ABCA12: variants seen among roughly 807,000 people sequenced by gnomAD.
The protein encoded by ABCA12 is ATP binding cassette subfamily A member 12.
In ABCA12, 156 loss-of-function variants were observed where a neutral mutation model predicts 293.5. The ratio of observed to expected loss-of-function variants is 0.53; its 90% confidence interval spans 0.47 to 0.61. ABCA12 has a LOEUF of 0.61. Ranked by LOEUF, ABCA12 falls within the 20% of genes least tolerant of loss-of-function variation. ABCA12 has a pLI of 0.00. For synonymous variants in ABCA12, 1,063 were observed against 1,108.0 expected, an observed-to-expected ratio of 0.96 and a Z score of 0.81; for missense variants, 2,797 against 3,090.2, an observed-to-expected ratio of 0.91 and a Z score of 2.25.
At chr2:215,096,318 G>T (rs1355674191) in intron 2 of ABCA12, among the ~76,000 whole-genome samples, 2 of 152,132 alleles carry the variant, frequency 1.3e-5, no homozygotes, top group Non-Finnish European at 2.9e-5. Flanking sequence ...ATGACACAAA[G>T]GTGAAGCTGA....
chr2:215,070,024 A>G (rs1386640652), intron 2 of ABCA12, among the ~76,000 whole-genome samples: 6 of 152,248 alleles, frequency 3.9e-5, no homozygotes, highest in African/African-American at 1.4e-4. Context: ...CTCTAACCTA[A>G]TATACATCGT....
rs767815472 is a variant in ABCA12 at position 214,987,785 on chromosome 2, C to CTG, written c.3837_3838insCA (p.Gly1280GlnfsTer25). 1 of 1,613,512 alleles carries CTG rather than the reference C, an allele frequency of 6.2e-7. No homozygotes were observed. ...GGAAAATACCAGGGAGCTGCCATAC[C>CTG]GTATGTCCCTGGAATAAAAATATAT... On this transcript the variant is annotated frameshift_variant, in exon 27 of 53. Coordinates refer to ENST00000272895, the MANE Select transcript of ABCA12 (RefSeq NM_173076.3). LOFTEE classifies it high-confidence loss of function.
At chr2:215,040,231 T>C (rs1701070694) in intron 7 of ABCA12, among the ~76,000 whole-genome samples, 2 of 152,170 alleles carry the variant, frequency 1.3e-5, no homozygotes, top group African/African-American at 4.8e-5. Context: ...AGAGTTGTTC[T>C]GACTAAATAA....
At position 215,134,640 on chromosome 2, in the gene ABCA12, GACAA is replaced by G. The variant is rs1439644856; in HGVS notation, c.69+3496_69+3499del. Among the ~76,000 whole-genome samples the G allele has an allele frequency of 4.0e-3, 474 of 117,636 alleles. 47 individuals are homozygous for G. Among genetic ancestry groups the G allele is most frequent in the African/African-American group, 0.019 (435 of 23,318 alleles). 77.2% of individuals were successfully genotyped at this position (117,636 alleles called of 152,430 possible). A position where few individuals can be genotyped will look rare whatever the true frequency, so the allele number is the denominator to read the frequency against. On this transcript the variant is annotated intron_variant, in intron 1 of 52. Coordinates refer to ENST00000272895, the MANE Select transcript of ABCA12 (RefSeq NM_173076.3). The stretch of plus-strand genomic sequence containing the variant: ...ATAGAGAGAGAGAGAGAGAGAGAGA[GACAA>G]ACAGAGAGAGAGAGAGAGAGAGAGA...
At chr2:215,070,772 C>T (rs1035748617) in intron 2 of ABCA12, among the ~76,000 whole-genome samples, 8 of 151,880 alleles carry the variant, frequency 5.3e-5, no homozygotes, top group African/African-American at 1.9e-4. Context: ...TTTACAAGGT[C>T]ATCACAGTTT....
chr2:215,134,372 A>ATGTATATG (rs1703140183), intron 1 of ABCA12, among the ~76,000 whole-genome samples: 1 of 139,398 alleles, frequency 7.2e-6, no homozygotes, highest in Non-Finnish European at 1.6e-5. Context: ...ATGTGTATAT[A>ATGTATATG]TGTATATATG....
chr2:214,953,757 A>G (rs1201666574), intron 44 of ABCA12, 97 bp downstream of exon 44: 7 of 1,442,612 alleles, frequency 4.9e-6, no homozygotes, highest in Non-Finnish European at 4.7e-6. Flanking sequence ...ACATTTCCAT[A>G]TTACCAATGG....
rs55902726 is a variant in ABCA12, at chr2:214,977,880, CT to C, written c.5128+435del. Among the ~76,000 whole-genome samples, 1,297 of 140,198 alleles carry C rather than the reference CT, an allele frequency of 9.3e-3. 24 individuals carry two copies. Among genetic ancestry groups the C allele is most frequent in the Admixed American group, 0.049 (684 of 14,004 alleles). The allele number at this position is 140,198 out of a possible 152,430, so 92.0% of individuals were successfully genotyped here. ...AAAGAGCGGCAGCTCCTTTTTTTTC[CT>C]TTTTTTTTTTTTTCCTTTTTTTTAT... On this transcript the variant is annotated intron_variant, in intron 33 of 52. Transcript: ENST00000272895.
In ABCA12 at chr2:214,953,901, A is replaced by G. The variant is rs1178726110; in HGVS notation, c.6600T>C (p.Phe2200=). The G allele has an allele frequency of 6.2e-7, 1 of 1,613,914 alleles. No homozygotes were observed. Among genetic ancestry groups the G allele is most frequent in the African/African-American group, 1.3e-5 (1 of 74,920 alleles). Residue 2200 remains phenylalanine (F), a synonymous_variant, in exon 44 of 53, where the codon TTT becomes TTC. Transcript: ENST00000272895. ...FVALVSQGTM[F]FSLRLLINES... ...CGTTGATTAAGAGTCGCAAGGAAAA[A>G]AACATGGTGCCCTGAGAAACCAAAG...
chr2:215,122,573 T>A (rs1285171271), intron 1 of ABCA12, among the ~76,000 whole-genome samples: 1 of 152,194 alleles, frequency 6.6e-6, no homozygotes, highest in African/African-American at 2.4e-5. Flanking sequence ...TCAAGCTTGA[T>A]CCAAAATGTA....
In ABCA12 at chr2:215,007,875, G is replaced by A; in HGVS notation, c.2473-29C>T. 5 of 1,613,246 alleles carry A rather than the reference G, an allele frequency of 3.1e-6. No homozygotes were observed. The South Asian group carries it at 3.3e-5, about 11-fold the overall frequency. On this transcript the variant is annotated intron_variant, in intron 18 of 52. Coordinates refer to ENST00000272895, the MANE Select transcript of ABCA12 (RefSeq NM_173076.3). ...AATGACAAAGAAACAAAAGAAGTGT[G>A]ATCCATTAGTATTTTGTCTATATTT...
chr2:215,102,732 A>G (rs562649146), intron 2 of ABCA12, among the ~76,000 whole-genome samples: 1 of 152,296 alleles, frequency 6.6e-6, no homozygotes, highest in South Asian at 2.1e-4. Flanking sequence ...TCCACATTCT[A>G]TGTCCTCACT....
chr2:215,064,227 TA>T lies in ABCA12; in HGVS notation c.164-9del, dbSNP rs770338664. 2.7e-5 allele frequency: 44 copies of T among 1,611,536 alleles called. No individual in the cohort carries two copies. The highest frequency in any genetic ancestry group is 5.0e-5 in the Admixed American group (3 of 59,760). On this transcript the variant is annotated splice_polypyrimidine_tract_variant and intron_variant, in intron 2 of 52. Transcript: ENST00000272895. ...TTCGAGGTGCGAGGTAACCTAAAAT[TA>T]AAAAAACAGTCATTACATCAGTATG...
intron 50 of ABCA12, among the ~76,000 whole-genome samples, chr2:214,941,635 G>A (rs1314274362): frequency 6.6e-6 from 1 of 152,060 alleles, no homozygotes. Flanking sequence ...CGGTGCTCCT[G>A]TATTGGGTGC....
chr2:214,989,325 A>G lies in ABCA12; in HGVS notation c.3829+4T>C, dbSNP rs1490323157. The G allele has an allele frequency of 6.2e-7, 1 of 1,612,826 alleles. No individual in the cohort carries two copies. On this transcript the variant is annotated splice_donor_region_variant and intron_variant, in intron 26 of 52. Transcript: ENST00000272895. Reference sequence around the variant, plus strand: ...GCATGTATCTGTAGGAAGCACATTCATACCTGGGAAGACATTCCTGACATA... The same window carrying G: ...GCATGTATCTGTAGGAAGCACATTCGTACCTGGGAAGACATTCCTGACATA...
intron 2 of ABCA12, among the ~76,000 whole-genome samples, chr2:215,092,468 C>A (rs571181732): frequency 6.6e-6 from 1 of 152,206 alleles, no homozygotes; most frequent in African/African-American, 2.4e-5. Context: ...ATCCCCCGAC[C>A]TTAACCCACA....
intron 37 of ABCA12, 65 bp downstream of exon 37, chr2:214,970,208 C>A (rs1049409214): frequency 6.6e-6 from 10 of 1,515,282 alleles, no homozygotes; most frequent in Admixed American, 1.9e-5. Context: ...TCTATTGTCT[C>A]TTTAGAAGGC....
chr2:214,969,880 ACATTTTGTC>A (rs1354166655), intron 37 of ABCA12, among the ~76,000 whole-genome samples: 2 of 152,062 alleles, frequency 1.3e-5, no homozygotes, highest in Non-Finnish European at 2.9e-5. Flanking sequence ...CATGAACAAC[ACATTTTGTC>A]CATATGCAGA....
intron 49 of ABCA12, 45 bp from the exon 50 acceptor site, chr2:214,943,062 A>C: frequency 1.3e-6 from 2 of 1,525,876 alleles, no homozygotes; most frequent in South Asian, 2.2e-5. Flanking sequence ...GATACAGAAA[A>C]CTTGGGTTGA....
Sources: gnomAD v4.1 joint callset for allele counts (sites outside exome capture counted in the v4.1 genomes callset) on GRCh38, gnomAD v4.1.1 for gene constraint, MANE v1.5 for transcripts, NCBI Gene and HGNC (gene_info 2026-07-23, HGNC 2026-07-21) for gene names.